SAMD12: variants seen among roughly 807,000 people sequenced by gnomAD.
SAMD12 encodes the protein sterile alpha motif domain containing 12, also known as sterile alpha motif domain-containing protein 12.
SAMD12 carries 9 observed loss-of-function variants against 15.0 expected under a neutral mutation model. The ratio of observed to expected loss-of-function variants is 0.60; its 90% CI spans 0.36 to 1.05. The LOEUF (loss-of-function observed/expected upper bound fraction) is 1.05. Ranked by LOEUF, SAMD12 falls within the 50% of genes least tolerant of loss-of-function variation. The probability of loss-of-function intolerance (pLI) is 0.01; values close to 1 mark genes in which losing one functional copy is unlikely to be tolerated. For missense variants in SAMD12, 230 were observed against 234.2 expected (o/e 0.98, Z 0.12); for synonymous variants, 86 against 90.1 (o/e 0.96, Z 0.25).
intron 4 of SAMD12, among the ~76,000 whole-genome samples, chr8:118,281,983 C>T (rs975693765): frequency 2.6e-5 from 4 of 152,118 alleles, no homozygotes; most frequent in African/African-American, 9.7e-5. Flanking sequence ...CAGAAATGAG[C>T]TCAATAACCA....
chr8:118,534,958 A>G (rs1449906674), intron 2 of SAMD12, among the ~76,000 whole-genome samples: 2 of 152,186 alleles, frequency 1.3e-5, no homozygotes, highest in African/African-American at 4.8e-5. Flanking sequence ...AACTTGTCAA[A>G]GTCATTCTCC....
intron 4 of SAMD12, among the ~76,000 whole-genome samples, chr8:118,310,762 C>T (rs564914006): frequency 4.6e-5 from 7 of 152,176 alleles, no homozygotes; most frequent in East Asian, 3.9e-4. Flanking sequence ...CTTCCTCTAG[C>T]GCTTCCAACA....
intron 1 of SAMD12, among the ~76,000 whole-genome samples, chr8:118,606,644 T>G (rs549978492): frequency 2.7e-4 from 41 of 151,460 alleles, no homozygotes; most frequent in African/African-American, 9.4e-4. Context: ...TGAGGCAGGA[T>G]TCATAAGGCA....
At chr8:118,463,876 A>T (rs769560560) in intron 2 of SAMD12, among the ~76,000 whole-genome samples, 1 of 152,066 alleles carries the variant, frequency 6.6e-6, no homozygotes, top group Non-Finnish European at 1.5e-5. Flanking sequence ...GAGGAGGGAA[A>T]AGTATGGTTT....
intron 4 of SAMD12, among the ~76,000 whole-genome samples, chr8:118,257,358 G>A (rs1348967559): frequency 1.3e-5 from 2 of 152,088 alleles, no homozygotes; most frequent in African/African-American, 2.4e-5. Flanking sequence ...CTGAAATGCT[G>A]AGACGGCAGA....
At chr8:118,284,592 A>G (rs1006533068) in intron 4 of SAMD12, 3 of 318,760 alleles carry the variant, frequency 9.4e-6, no homozygotes, top group African/African-American at 2.2e-5. Flanking sequence ...CAGAGGTGAC[A>G]TATATACATA....
chr8:118,311,186 G>T (rs75796381), intron 4 of SAMD12, among the ~76,000 whole-genome samples: 3 of 152,138 alleles, frequency 2.0e-5, no homozygotes, highest in Non-Finnish European at 4.4e-5. Context: ...TGCAGCCTTC[G>T]AAATCCTTGC....
chr8:118,238,550 T>C (rs28370836), intron 4 of SAMD12, among the ~76,000 whole-genome samples: 391 of 152,278 alleles, frequency 2.6e-3, no homozygotes, highest in African/African-American at 9.0e-3. Flanking sequence ...TTTCAAAGGC[T>C]ATCTCCTTGT....
chr8:118,537,207 T>A (rs963207993), intron 2 of SAMD12, among the ~76,000 whole-genome samples: 9 of 152,200 alleles, frequency 5.9e-5, no homozygotes, highest in African/African-American at 1.7e-4. Flanking sequence ...TTTAGGATCG[T>A]TTCTTTATCC....
intron 4 of SAMD12, among the ~76,000 whole-genome samples, chr8:118,361,152 C>G (rs1177396941): frequency 6.6e-6 from 1 of 152,194 alleles, no homozygotes; most frequent in African/African-American, 2.4e-5. Context: ...CTTTGTGAGT[C>G]CCCACTATAC....
chr8:118,225,596 T>C (rs1812172900), intron 4 of SAMD12, among the ~76,000 whole-genome samples: 1 of 152,144 alleles, frequency 6.6e-6, no homozygotes, highest in African/African-American at 2.4e-5. Flanking sequence ...GAGCTTAGCG[T>C]TCAGGAGTTC....
At chr8:118,147,914 G>C in the SAMD12 span, among the ~76,000 whole-genome samples, 10 of 147,400 alleles carry the variant, frequency 6.8e-5, no homozygotes, top group African/African-American at 9.9e-5. Flanking sequence ...TTTTTTTTCT[G>C]TGTGTGTGTG....
At chr8:118,306,875 C>T (rs1035416108) in intron 4 of SAMD12, among the ~76,000 whole-genome samples, 1 of 152,138 alleles carries the variant, frequency 6.6e-6, no homozygotes, top group African/African-American at 2.4e-5. Flanking sequence ...CCTGTTTATA[C>T]TTAGAATTGA....
chr8:118,210,870 C>A (rs1449264627), intron 4 of SAMD12, among the ~76,000 whole-genome samples: 2 of 152,218 alleles, frequency 1.3e-5, no homozygotes, highest in African/African-American at 4.8e-5. Flanking sequence ...CTCTGAACCT[C>A]CACATGATTT....
At chr8:118,491,446 A>G (rs1281867250) in intron 2 of SAMD12, among the ~76,000 whole-genome samples, 1 of 152,122 alleles carries the variant, frequency 6.6e-6, no homozygotes, top group Non-Finnish European at 1.5e-5. Flanking sequence ...TTTATTCATC[A>G]TTGCATTCTT....
intron 2 of SAMD12, among the ~76,000 whole-genome samples, chr8:118,549,280 CA>C (rs1478781984): frequency 6.6e-5 from 10 of 152,214 alleles, no homozygotes; most frequent in Non-Finnish European, 1.2e-4. Flanking sequence ...AGGCACCCCC[CA>C]AGTAGGGGCA....
intron 2 of SAMD12, among the ~76,000 whole-genome samples, chr8:118,499,940 C>T (rs1563896416): frequency 6.6e-6 from 1 of 152,082 alleles, no homozygotes; most frequent in Non-Finnish European, 1.5e-5. Flanking sequence ...ACAAAGTGCC[C>T]TTTTATGCCA....
chr8:118,439,840 T>A lies in SAMD12; in HGVS notation c.314A>T (p.Asp105Val). The change falls in exon 3 of 4, where the codon GAC becomes GTC. Residue 105 changes from aspartate to valine, a missense_variant. Coordinates refer to ENST00000314727, the MANE Select transcript of SAMD12 (RefSeq NM_207506.3). ...GATACTGCATACTTTACCAGTTATG[T>A]CATGCTGTTTGAATGACTCACTGTA... ...QIYSESFKQH[D>V]ITGRALLRLT... is the part of the protein sequence containing the mutation. 6.2e-7 allele frequency: 1 copy of A among 1,613,478 alleles called. No homozygotes were observed. The highest frequency in any genetic ancestry group is 8.5e-7 in the Non-Finnish European group (1 of 1,179,438).
the SAMD12 span, among the ~76,000 whole-genome samples, chr8:118,172,029 C>G: frequency 5.9e-5 from 9 of 152,212 alleles, no homozygotes; most frequent in South Asian, 1.9e-3. Flanking sequence ...ACTGCATGTT[C>G]TCACTCATAG....
Sources: allele counts gnomAD v4.1 joint callset (sites outside exome capture counted in the v4.1 genomes callset), GRCh38; gene constraint gnomAD v4.1.1; transcripts MANE v1.5; gene names NCBI Gene and HGNC (gene_info 2026-07-23, HGNC 2026-07-21).